The following SHD variants were observed in gnomAD, a reference collection of about 807,000 sequenced individuals.
SHD encodes the protein Src homology 2 domain containing transforming protein D.
A neutral mutation model predicts 31.2 loss-of-function variants in SHD; 29 were observed. The observed-to-expected ratio is 0.93, with a 90% CI of 0.69 to 1.27. SHD has a LOEUF of 1.27. Among genes scored for constraint, SHD ranks in the 50% most tolerant of loss-of-function variants. SHD has a pLI of 0.00. For synonymous variants in SHD, 208 were observed against 187.8 expected (o/e 1.11, Z -0.88); for missense variants, 520 against 453.8 (o/e 1.15, Z -1.33).
At chr19:4,281,097 C>T (rs528271373) in intron 1 of SHD, among the ~76,000 whole-genome samples, 162 of 152,040 alleles carry the variant, frequency 1.1e-3, no homozygotes, top group Admixed American at 1.3e-3. Context: ...AACTGAGGCT[C>T]GCAGAACGGT....
chr19:4,282,315 G>A (rs1056486124), intron 1 of SHD, among the ~76,000 whole-genome samples: 4 of 152,128 alleles, frequency 2.6e-5, no homozygotes, highest in African/African-American at 9.7e-5. Context: ...AGCTACTCCA[G>A]AGACTGAGGC....
At chr19:4,282,844 T>G in intron 1 of SHD, 26 bp from the exon 2 acceptor site, 1 of 1,609,984 alleles carries the variant, frequency 6.2e-7, no homozygotes, top group Non-Finnish European at 8.5e-7. Flanking sequence ...TGAGTCCTTG[T>G]CTTCTCCCCT....
chr19:4,289,485 A>G (rs1417615238), intron 5 of SHD, among the ~76,000 whole-genome samples: 1 of 151,766 alleles, frequency 6.6e-6, no homozygotes, highest in Non-Finnish European at 1.5e-5. Context: ...GCCTCAAGCA[A>G]TCCGCCTGAC....
Position 4,289,639 on chromosome 19 carries a change from C to T in SHD, c.837-808C>T, listed in dbSNP as rs189311030. Among the ~76,000 whole-genome samples the T allele has an allele frequency of 3.4e-3, 511 of 151,690 alleles. 4 individuals are homozygous for T. Among genetic ancestry groups the T allele is most frequent in the African/African-American group, 0.012 (489 of 41,392 alleles). ...AGGCTGGAGTATAGTGGCACGATCT[C>T]GGCTCACTGCAAGCTCCGCCTCCCG... On this transcript the variant is annotated intron_variant, in intron 5 of 5. Coordinates refer to ENST00000543264, the MANE Select transcript of SHD (RefSeq NM_020209.4).
Position 4,280,132 on chromosome 19 carries a change from G to A in SHD, c.69G>A (p.Pro23=), listed in dbSNP as rs368711499. 1.9e-6 allele frequency: 3 copies of A among 1,613,708 alleles called. No individual in the cohort carries two copies. Among genetic ancestry groups the A allele is most frequent in the Admixed American group, 1.7e-5 (1 of 59,982 alleles). ...GRRPPPQPPT[P]DYTESDILRA... ...GGCCCCCTCCGCAGCCGCCCACCCC[G>A]GACTACACCGAGAGCGACATCCTGA... The change falls in exon 1 of 6, where the codon CCG becomes CCA. Residue 23 remains proline, a synonymous_variant. Transcript: ENST00000543264.
rs765250916 is a variant in SHD at position 4,290,675 on chromosome 19, C to T, written c.*42C>T. 9.8e-6 allele frequency: 15 copies of T among 1,534,748 alleles called. No individual in the cohort carries two copies. The East Asian group carries it at 1.6e-4, about 17-fold the overall frequency. ...CCTTTTGAGTCCTCGGGCCCAGAATCGTATCCCAAAGCCCTCCCATGGCCT... is the reference window on the plus strand; with the variant it reads ...CCTTTTGAGTCCTCGGGCCCAGAATTGTATCCCAAAGCCCTCCCATGGCCT... On this transcript the variant is annotated 3_prime_UTR_variant, in exon 6 of 6. Coordinates refer to ENST00000543264, the MANE Select transcript of SHD (RefSeq NM_020209.4).
chr19:4,283,186 A>T lies in SHD; in HGVS notation c.536A>T (p.Asp179Val). The T allele has an allele frequency of 6.2e-7, 1 of 1,614,186 alleles. No homozygotes were observed. Among genetic ancestry groups the T allele is most frequent in the Non-Finnish European group, 8.5e-7 (1 of 1,180,036 alleles). ...RMPQEDERPA[D>V]EYDQPWEWKK... ...CCCCAGGAAGATGAACGGCCAGCAG[A>T]TGAGTATGATCAGCCCTGGGAGTGG... The change falls in exon 3 of 6, where the codon GAT (aspartate) becomes GTT (valine). Residue 179 changes from aspartate to valine, a missense_variant. Coordinates refer to ENST00000543264, the MANE Select transcript of SHD (RefSeq NM_020209.4).
chr19:4,280,117 G>T lies in SHD; in HGVS notation c.54G>T (p.Pro18=), dbSNP rs374201916. The change falls in exon 1 of 6, where the codon CCG becomes CCT. Residue 18 remains proline (P), a synonymous_variant. Transcript: ENST00000543264. ...GCTTTGGGGGTCGGAGGCCCCCTCC[G>T]CAGCCGCCCACCCCGGACTACACCG... is the stretch of plus-strand genomic sequence containing the variant. ...YLSFGGRRPP[P]QPPTPDYTES... 3.7e-6 allele frequency: 6 copies of T among 1,611,990 alleles called. No homozygotes were observed. The East Asian group carries it at 1.3e-4, about 36-fold the overall frequency.
At chr19:4,287,613 C>T (rs980514833) in intron 4 of SHD, among the ~76,000 whole-genome samples, 4 of 151,792 alleles carry the variant, frequency 2.6e-5, no homozygotes, top group Non-Finnish European at 5.9e-5. Flanking sequence ...GGTGAAACCC[C>T]ATCTCTACTA....
At chr19:4,282,479 A>G (rs531151107) in intron 1 of SHD, among the ~76,000 whole-genome samples, 1 of 152,254 alleles carries the variant, frequency 6.6e-6, no homozygotes, top group South Asian at 2.1e-4. Flanking sequence ...TAATCCCAGC[A>G]CGTTGGGAGC....
chr19:4,280,851 A>G (rs141562938), intron 1 of SHD, among the ~76,000 whole-genome samples: 317 of 151,710 alleles, frequency 2.1e-3, no homozygotes, highest in African/African-American at 7.2e-3. Context: ...TTCAATGCAT[A>G]ATGCTGGTTG....
chr19:4,290,324 G>T, intron 5 of SHD, 123 bp from the exon 6 acceptor site: 1 of 1,036,210 alleles, frequency 9.7e-7, no homozygotes, highest in East Asian at 2.5e-5. Context: ...CCACACTGCT[G>T]TTTACCAGAG....
rs1287666916 is a variant in SHD at position 4,290,703 on chromosome 19, AAAAT to A, written c.*77_*80del. 2 of 1,443,136 alleles carry A rather than the reference AAAAT, an allele frequency of 1.4e-6. No homozygotes were observed. The highest frequency in any genetic ancestry group is 1.9e-6 in the Non-Finnish European group (2 of 1,078,492). The allele number at this position is 1,443,136 out of a possible 1,614,324, so 89.4% of individuals were successfully genotyped here. ...ATCCCAAAGCCCTCCCATGGCCTAG[AAAAT>A]AAATAAGTTATTGTTTGTCTTAGTG... On this transcript the variant is annotated 3_prime_UTR_variant, in exon 6 of 6. Transcript: ENST00000543264.
In SHD at chr19:4,289,636, T is replaced by C. The variant is rs548247249; in HGVS notation, c.837-811T>C. On this transcript the variant is annotated intron_variant, in intron 5 of 5. Transcript: ENST00000543264. Reference sequence around the variant, plus strand: ...CCTAGGCTGGAGTATAGTGGCACGATCTCGGCTCACTGCAAGCTCCGCCTC... The same window carrying C: ...CCTAGGCTGGAGTATAGTGGCACGACCTCGGCTCACTGCAAGCTCCGCCTC... 6.6e-5 allele frequency among the ~76,000 whole-genome samples: 10 copies of C among 151,746 alleles called. No individual in the cohort carries two copies. In the South Asian group the frequency reaches 2.1e-3, roughly 32 times the overall value.
Position 4,290,537 on chromosome 19 carries a change from G to A in SHD, c.927G>A (p.Val309=). 2 of 1,613,660 alleles carry A rather than the reference G, an allele frequency of 1.2e-6. No homozygotes were observed. The highest frequency in any genetic ancestry group is 1.7e-6 in the Non-Finnish European group (2 of 1,180,018). Residue 309 remains valine (V), a synonymous_variant, in exon 6 of 6, where the codon GTG becomes GTA. Coordinates refer to ENST00000543264, the MANE Select transcript of SHD (RefSeq NM_020209.4). ...AACACAGCGGGCCCTTCCCCAGCGT[G>A]CCCGAGCTCGTCCTCCACTACAGTT... ...LGQHSGPFPS[V]PELVLHYSSR... is the part of the protein sequence containing the mutation.
chr19:4,282,824 G>A, intron 1 of SHD, 46 bp from the exon 2 acceptor site: 4 of 1,567,528 alleles, frequency 2.6e-6, no homozygotes, highest in Non-Finnish European at 2.6e-6. Context: ...AATTAGCAGG[G>A]AAGCCCCTCT....
intron 4 of SHD, among the ~76,000 whole-genome samples, chr19:4,287,914 GTT>G (rs1555727857): frequency 1.2e-5 from 1 of 81,390 alleles, no homozygotes; most frequent in African/African-American, 6.6e-5. Context: ...TTGTTTGTTC[GTT>G]TGTTTTGAGA....
Position 4,283,214 on chromosome 19 carries a change from GA to G in SHD, c.567del (p.Asp190ThrfsTer56). Reference protein sequence around the residue: ...DEYDQPWEWKKDHISRAFAVQ... With the variant: ...DEYDQPWEWKXDHISRAFAVQ... ...AGTATGATCAGCCCTGGGAGTGGAA[GA>G]AAGACCACATCTCCAGGGCGTTTGC... On this transcript the variant is annotated frameshift_variant, in exon 3 of 6. Coordinates refer to ENST00000543264, the MANE Select transcript of SHD (RefSeq NM_020209.4). LOFTEE classifies it high-confidence loss of function. The G allele has an allele frequency of 1.2e-6, 2 of 1,613,864 alleles. No homozygotes were observed. The highest frequency in any genetic ancestry group is 1.7e-6 in the Non-Finnish European group (2 of 1,179,812).
rs752320904 is a variant in SHD at position 4,284,843 on chromosome 19, C to A, written c.655C>A (p.Pro219Thr). 1 of 1,613,142 alleles carries A rather than the reference C, an allele frequency of 6.2e-7. No individual in the cohort carries two copies. The highest frequency in any genetic ancestry group is 1.1e-5 in the South Asian group (1 of 90,936). Residue 219 changes from proline (P) to threonine (T), a missense_variant, in exon 4 of 6, where the codon CCG (proline) becomes ACG (threonine). Coordinates refer to ENST00000543264, the MANE Select transcript of SHD (RefSeq NM_020209.4). ...CTCAGCCAAGGAGCTCCGGAGACCT[C>A]CGCCCAGAAGCCCCCAGCCTGCGGA... ...PGSAKELRRP[P>T]PRSPQPAERV...
Sources: gnomAD v4.1 joint callset for allele counts (sites outside exome capture counted in the v4.1 genomes callset) on GRCh38, gnomAD v4.1.1 for gene constraint, MANE v1.5 for transcripts, NCBI Gene and HGNC (gene_info 2026-07-23, HGNC 2026-07-21) for gene names.